CD70: variants seen among roughly 807,000 people sequenced by gnomAD.
The protein encoded by CD70 is CD70 antigen.
A neutral mutation model predicts 9.0 loss-of-function variants in CD70; 6 were observed. The ratio of observed to expected loss-of-function variants is 0.67; its 90% CI spans 0.37 to 1.32. The LOEUF is 1.32. CD70 is among the 40% of genes most tolerant of loss of function. The probability of loss-of-function intolerance (pLI) is 0.02; values close to 1 mark genes in which losing one functional copy is unlikely to be tolerated. For missense variants in CD70, 235 were observed against 258.7 expected (o/e 0.91, Z 0.63); for synonymous variants, 108 against 112.3 (o/e 0.96, Z 0.24).
rs1258351866 is a variant in CD70, at chr19:6,586,405, C to G, written c.197G>C (p.Gly66Ala). 1 of 1,605,000 alleles carries G rather than the reference C, an allele frequency of 6.2e-7. No individual in the cohort carries two copies. Among genetic ancestry groups the G allele is most frequent in the Non-Finnish European group, 8.5e-7 (1 of 1,176,032 alleles). The change falls in exon 3 of 3, where the codon GGA (glycine) becomes GCA (alanine). Residue 66 changes from glycine (G) to alanine (A), a missense_variant and splice_region_variant. Coordinates refer to ENST00000245903, the MANE Select transcript of CD70 (RefSeq NM_001252.5). The stretch of plus-strand genomic sequence containing the variant: ...GTATAGCCTGGGGTCCTGCTGAGGT[C>G]CTGGGGGCACAGGGTTAGAGGGATG... The part of the protein sequence containing the change: ...DVAELQLNHT[G>A]PQQDPRLYWQ...
rs1195391832 is a variant in CD70, at chr19:6,586,018, G to C, written c.*2C>G. The C allele has an allele frequency of 6.2e-7, 1 of 1,605,036 alleles. No individual in the cohort carries two copies. The highest frequency in any genetic ancestry group is 8.5e-7 in the Non-Finnish European group (1 of 1,172,592). ...TTAAAAAACCCTAATCAGCAGCAGT[G>C]GTCAGGGGCGCACCCACTGCACTCC... On this transcript the variant is annotated 3_prime_UTR_variant, in exon 3 of 3. Coordinates refer to ENST00000245903, the MANE Select transcript of CD70 (RefSeq NM_001252.5).
At chr19:6,582,682 A>G (rs1280464324), downstream of CD70, among the ~76,000 whole-genome samples, 1 of 152,120 alleles carries the variant, frequency 6.6e-6, no homozygotes, top group African/African-American at 2.4e-5. Flanking sequence ...GTCCCTATGA[A>G]GGACATGAAC....
downstream of CD70, among the ~76,000 whole-genome samples, chr19:6,584,691 C>T (rs1915981616): frequency 9.7e-6 from 1 of 103,470 alleles, no homozygotes; most frequent in East Asian, 3.3e-4. Flanking sequence ...GTAATGAGAC[C>T]TCATCTCAAA....
downstream of CD70, chr19:6,583,325 T>A (rs1915954303): frequency 1.4e-6 from 1 of 699,680 alleles, no homozygotes; most frequent in Non-Finnish European, 2.6e-6. Context: ...TCTGTTTTCC[T>A]CATCTGTGAA....
chr19:6,582,060 C>T (rs189976936), downstream of CD70, among the ~76,000 whole-genome samples: 8 of 147,202 alleles, frequency 5.4e-5, no homozygotes, highest in East Asian at 1.4e-3. Context: ...GACAGAGTGT[C>T]GCTCTGTCAC....
At position 6,585,936 on chromosome 19, in the gene CD70, C is replaced by T. The variant is rs538515155; in HGVS notation, c.*84G>A. On this transcript the variant is annotated 3_prime_UTR_variant, in exon 3 of 3. Transcript: ENST00000245903. ...CCCCACCACACTCCCACCCCAACCC[C>T]GGGTGGCCCCTGTGTGTACACTTTT... 47 of 1,046,582 alleles carry T rather than the reference C, an allele frequency of 4.5e-5. No individual in the cohort carries two copies. Among genetic ancestry groups the T allele is most frequent in the East Asian group, 2.4e-4 (9 of 38,162 alleles). 64.8% of individuals were successfully genotyped at this position (1,046,582 alleles called of 1,614,324 possible). A position where few individuals can be genotyped will look rare whatever the true frequency, so the allele number is the denominator to read the frequency against.
chr19:6,590,853 G>T lies in CD70; in HGVS notation c.150C>A (p.Leu50=). Residue 50 remains leucine, a synonymous_variant, in exon 1 of 3, where the codon CTC becomes CTA. Coordinates refer to ENST00000245903, the MANE Select transcript of CD70 (RefSeq NM_001252.5). The surrounding 1 kb of genome is among the most constrained non-coding windows in gnomAD (Gnocchi z 5.3). ...CATCTCAACTCACCCCAAGTGACTC[G>T]AGCGGCAGCTGCTGCTGAGCCTGTG... The part of the protein sequence containing the change: ...RFAQAQQQLP[L]ESLGWDVAEL... The T allele has an allele frequency of 6.2e-7, 1 of 1,612,720 alleles. No homozygotes were observed. Among genetic ancestry groups the T allele is most frequent in the South Asian group, 1.1e-5 (1 of 90,938 alleles).
Position 6,590,204 on chromosome 19 carries a change from G to A in CD70, c.163-68C>T. 2 of 1,285,736 alleles carry A rather than the reference G, an allele frequency of 1.6e-6. No individual in the cohort carries two copies. The highest frequency in any genetic ancestry group is 1.5e-5 in the African/African-American group (1 of 68,764). 79.6% of individuals were successfully genotyped at this position (1,285,736 alleles called of 1,614,324 possible). ...GAGGTTCTATGTGTCCCCTGTGCCA[G>A]GAGCTCTCTTTTCTCTGTCCATCCT... On this transcript the variant is annotated intron_variant, in intron 1 of 2. Transcript: ENST00000245903. The surrounding 1 kb of genome is among the most constrained non-coding windows in gnomAD (Gnocchi z 5.3).
intron 2 of CD70, among the ~76,000 whole-genome samples, chr19:6,587,538 G>C (rs191213215): frequency 1.3e-5 from 2 of 151,744 alleles, no homozygotes; most frequent in East Asian, 3.9e-4. Context: ...ACGAGACAGC[G>C]CGCAAGAGAG....
In CD70 at chr19:6,591,107, G is replaced by T; in HGVS notation, c.-105C>A. The T allele has an allele frequency of 7.9e-7, 1 of 1,270,724 alleles. No homozygotes were observed. The highest frequency in any genetic ancestry group is 1.1e-6 in the Non-Finnish European group (1 of 949,314). The allele number at this position is 1,270,724 out of a possible 1,614,324, so 78.7% of individuals were successfully genotyped here. ...CAGCCCCCTCCCGGGGCTCCTGGGC[G>T]TCTACTTGCTTCAACCTGTCAGGGG... On this transcript the variant is annotated 5_prime_UTR_variant, in exon 1 of 3. Transcript: ENST00000245903.
chr19:6,587,149 GGA>G lies in CD70; in HGVS notation c.197-746_197-745del, dbSNP rs753698296. On this transcript the variant is annotated intron_variant, in intron 2 of 2. Coordinates refer to ENST00000245903, the MANE Select transcript of CD70 (RefSeq NM_001252.5). ...GAGTGCGAGAGAGCACGAGAGAGCAGGAGAGAGTGCAAGAGACAGCATGAGAG... is the reference window on the plus strand; with the variant it reads ...GAGTGCGAGAGAGCACGAGAGAGCAGGAGAGTGCAAGAGACAGCATGAGAG... Among the ~76,000 whole-genome samples, 3 of 141,474 alleles carry G rather than the reference GGA, an allele frequency of 2.1e-5. No homozygotes were observed. The East Asian group carries it at 6.7e-4, about 32-fold the overall frequency. The allele number at this position is 141,474 out of a possible 152,430, so 92.8% of individuals were successfully genotyped here.
chr19:6,586,118 C>A lies in CD70; in HGVS notation c.484G>T (p.Ala162Ser). 4.3e-6 allele frequency: 7 copies of A among 1,614,108 alleles called. No individual in the cohort carries two copies. Among genetic ancestry groups the A allele is most frequent in the Non-Finnish European group, 4.2e-6 (5 of 1,179,990 alleles). Reference protein sequence around the residue: ...TIASQRLTPLARGDTLCTNLT... With the variant: ...TIASQRLTPLSRGDTLCTNLT... ...TTGGTGCAGAGTGTGTCCCCTCGGG[C>A]CAGGGGCGTCAGGCGCTGGGAGGCA... Residue 162 changes from alanine (A) to serine (S), a missense_variant, in exon 3 of 3, where the codon GCC becomes TCC. Transcript: ENST00000245903.
chr19:6,584,054 A>G (rs573136517), downstream of CD70, among the ~76,000 whole-genome samples: 11 of 149,662 alleles, frequency 7.3e-5, no homozygotes, highest in Non-Finnish European at 1.2e-4. Flanking sequence ...CGGCCTCCCA[A>G]AGTGCTGGGA....
chr19:6,582,632 C>T (rs11670049), downstream of CD70, among the ~76,000 whole-genome samples: 79,328 of 151,298 alleles, frequency 0.52, 21,383 homozygotes, highest in Middle Eastern at 0.59. Flanking sequence ...TCTGTCCTTG[C>T]AATAGTTTGC....
chr19:6,585,886 C>A lies in CD70; in HGVS notation c.*134G>T. The A allele has an allele frequency of 1.6e-6, 1 of 615,662 alleles. No homozygotes were observed. Among genetic ancestry groups the A allele is most frequent in the South Asian group, 2.4e-5 (1 of 42,066 alleles). The allele number at this position is 615,662 out of a possible 1,614,324, so 38.1% of individuals were successfully genotyped here. On this transcript the variant is annotated 3_prime_UTR_variant, in exon 3 of 3. Transcript: ENST00000245903. Reference sequence around the variant, plus strand: ...GAAAATGAAAGAAAAAGCTCAATGCCTTCTCTTGTCCTGCCACCACTACCC... The same window carrying A: ...GAAAATGAAAGAAAAAGCTCAATGCATTCTCTTGTCCTGCCACCACTACCC...
At chr19:6,585,173 C>T (rs868817639), downstream of CD70, among the ~76,000 whole-genome samples, 10 of 151,462 alleles carry the variant, frequency 6.6e-5, no homozygotes, top group South Asian at 1.3e-3. Context: ...TTTTAGTAGA[C>T]GGAGTTTTAC....
Position 6,590,038 on chromosome 19 carries a change from T to G in CD70, c.196+65A>C, listed in dbSNP as rs1022957452. On this transcript the variant is annotated intron_variant, in intron 2 of 2. Transcript: ENST00000245903. The surrounding 1 kb of genome is among the most constrained non-coding windows in gnomAD (Gnocchi z 5.3). ...CTCTGTCTCTCCCCACTTGTCTTTC[T>G]ACCTCTCCTTCCTTCTCTCTCTGTG... 2.2e-6 allele frequency: 3 copies of G among 1,348,346 alleles called. No homozygotes were observed. The highest frequency in any genetic ancestry group is 2.9e-5 in the African/African-American group (2 of 69,300). 83.5% of individuals were successfully genotyped at this position (1,348,346 alleles called of 1,614,324 possible).
chr19:6,590,250 C>A lies in CD70; in HGVS notation c.163-114G>T. ...ATCCTCCTTTCCACCTCTCATCCCA[C>A]GGCGCGCACTGGTGATTTTATTTCA... On this transcript the variant is annotated intron_variant, in intron 1 of 2. Coordinates refer to ENST00000245903, the MANE Select transcript of CD70 (RefSeq NM_001252.5). This position sits in a 1 kb window ranked among gnomAD's most constrained non-coding sequence, Gnocchi z 5.3. 2 of 782,832 alleles carry A rather than the reference C, an allele frequency of 2.6e-6. No individual in the cohort carries two copies. Among genetic ancestry groups the A allele is most frequent in the South Asian group, 3.0e-5 (2 of 67,368 alleles). The allele number at this position is 782,832 out of a possible 1,614,324, so 48.5% of individuals were successfully genotyped here. A position where few individuals can be genotyped will look rare whatever the true frequency, so the allele number is the denominator to read the frequency against.
chr19:6,586,918 A>AT (rs1568431404), intron 2 of CD70, among the ~76,000 whole-genome samples: 1 of 151,130 alleles, frequency 6.6e-6, no homozygotes, highest in Admixed American at 6.6e-5. Flanking sequence ...AAAAAAAAAA[A>AT]AAAACAGAAA....
Sources: allele counts gnomAD v4.1 joint callset (sites outside exome capture counted in the v4.1 genomes callset), GRCh38; gene constraint gnomAD v4.1.1; non-coding constraint Gnocchi (gnomAD v3.1); transcripts MANE v1.5; gene names NCBI Gene and HGNC (gene_info 2026-07-23, HGNC 2026-07-21).